The following RBFOX1 variants were observed in gnomAD, a reference collection of about 807,000 sequenced individuals.
RBFOX1 encodes RNA binding protein fox-1 homolog 1.
In RBFOX1, 8 loss-of-function variants were observed where a neutral mutation model predicts 57.7. The observed-to-expected ratio is 0.14, with a 90% CI of 0.08 to 0.25. The LOEUF (loss-of-function observed/expected upper bound fraction) is 0.25. RBFOX1 is among the 10% of genes least tolerant of loss of function. The pLI is 1.00. For synonymous variants in RBFOX1, 326 were observed against 222.4 expected (o/e 1.47, Z -4.15); for missense variants, 611 against 548.5 (o/e 1.11, Z -1.14).
At chr16:7,510,860 G>A (rs369049368) in intron 4 of RBFOX1, among the ~76,000 whole-genome samples, 1 of 152,120 alleles carries the variant, frequency 6.6e-6, no homozygotes, top group Non-Finnish European at 1.5e-5. Flanking sequence ...GGGCTGTGTG[G>A]GCATATGTGA....
intron 2 of RBFOX1, among the ~76,000 whole-genome samples, chr16:6,348,159 C>T (rs1380633542): frequency 1.3e-5 from 2 of 152,098 alleles, no homozygotes; most frequent in Non-Finnish European, 2.9e-5. Context: ...GTTTTGAGCA[C>T]TGTAGGAGAG....
intron 4 of RBFOX1, among the ~76,000 whole-genome samples, chr16:7,266,255 G>T (rs539264164): frequency 1.3e-5 from 2 of 152,144 alleles, no homozygotes; most frequent in Admixed American, 1.3e-4. Flanking sequence ...GATTACAGGT[G>T]TGAGCCACCG....
intron 4 of RBFOX1, among the ~76,000 whole-genome samples, chr16:7,416,959 C>G (rs909076640): frequency 1.2e-4 from 18 of 152,154 alleles, no homozygotes; most frequent in African/African-American, 4.3e-4. Flanking sequence ...TGTCCAAGAA[C>G]TCATAGCTGG....
chr16:7,254,645 C>G (rs760418223), intron 4 of RBFOX1, among the ~76,000 whole-genome samples: 2 of 152,040 alleles, frequency 1.3e-5, no homozygotes, highest in Non-Finnish European at 2.9e-5. Flanking sequence ...CTTTTCAATC[C>G]TGTCTTCTGA....
chr16:6,989,616 A>G, intron 3 of RBFOX1, among the ~76,000 whole-genome samples: 1 of 152,202 alleles, frequency 6.6e-6, no homozygotes, highest in East Asian at 1.9e-4. Flanking sequence ...GTGGGACAGA[A>G]GTTATCTCTG....
At chr16:5,618,830 T>G (rs1186744453) in intron 3 of RBFOX1, among the ~76,000 whole-genome samples, 1 of 152,172 alleles carries the variant, frequency 6.6e-6, no homozygotes, top group Non-Finnish European at 1.5e-5. Context: ...ACCTTCAATG[T>G]GGATTTTGCT....
chr16:7,316,239 A>T (rs1231622673), intron 4 of RBFOX1, among the ~76,000 whole-genome samples: 1 of 152,246 alleles, frequency 6.6e-6, no homozygotes, highest in East Asian at 1.9e-4. Context: ...TTACTATATT[A>T]CATAAGACAA....
chr16:6,806,425 C>G (rs1450992609), intron 3 of RBFOX1, among the ~76,000 whole-genome samples: 2 of 152,042 alleles, frequency 1.3e-5, no homozygotes, highest in African/African-American at 2.4e-5. Context: ...GCATCTTTTT[C>G]AAATTCATAT....
chr16:7,707,670 G>A (rs1405393953), intron 14 of RBFOX1, among the ~76,000 whole-genome samples: 1 of 152,104 alleles, frequency 6.6e-6, no homozygotes, highest in Non-Finnish European at 1.5e-5. Context: ...ACTCAATGGT[G>A]CATCACTCAC....
chr16:6,654,241 A>G lies in RBFOX1; in HGVS notation c.-63-362A>G, dbSNP rs1355179334. On this transcript the variant is annotated intron_variant, in intron 2 of 15. Transcript: ENST00000550418. ...AAGTGAGACATATCTGACTATCCTAAATTTTGAATGGGAGAGATATTAAAG... is the reference window on the plus strand; with the variant it reads ...AAGTGAGACATATCTGACTATCCTAGATTTTGAATGGGAGAGATATTAAAG... 2.0e-5 allele frequency among the ~76,000 whole-genome samples: 3 copies of G among 152,162 alleles called. No individual in the cohort carries two copies. The East Asian group carries it at 5.8e-4, about 29-fold the overall frequency.
chr16:7,696,970 A>C (rs2079757), intron 14 of RBFOX1, among the ~76,000 whole-genome samples: 8 of 152,194 alleles, frequency 5.3e-5, no homozygotes, highest in Admixed American at 5.2e-4. Flanking sequence ...AGGTGAGTTT[A>C]ATAGATAACA....
chr16:6,442,565 AG>A (rs1260790663), intron 2 of RBFOX1, among the ~76,000 whole-genome samples: 4 of 131,624 alleles, frequency 3.0e-5, no homozygotes, highest in African/African-American at 1.0e-4. Flanking sequence ...TAAAAAAAAA[AG>A]AAAAGAAAAA....
Position 5,977,748 on chromosome 16 carries a change from A to G in RBFOX1, c.351+110413A>G, listed in dbSNP as rs1168277279. Among the ~76,000 whole-genome samples, 3 of 152,088 alleles carry G rather than the reference A, an allele frequency of 2.0e-5. No individual in the cohort carries two copies. In the South Asian group the frequency reaches 6.2e-4, roughly 32 times the overall value. ...CCAATCCAAAGATACAGAAGGTCAG[A>G]TGTGGGGCAGGCAACTAGCCCACTG... On this transcript the variant is annotated intron_variant, in intron 4 of 19. Transcript: ENST00000641259.
chr16:5,644,110 T>C (rs1306433884), intron 3 of RBFOX1, among the ~76,000 whole-genome samples: 2 of 152,116 alleles, frequency 1.3e-5, no homozygotes, highest in Admixed American at 6.5e-5. Context: ...TTAACCAAAT[T>C]AGCAATTCAT....
At chr16:5,379,863 C>T (rs907232658) in intron 1 of RBFOX1, among the ~76,000 whole-genome samples, 2 of 152,182 alleles carry the variant, frequency 1.3e-5, no homozygotes, top group African/African-American at 2.4e-5. Flanking sequence ...AACATCTCTT[C>T]TGGGTCATTT....
intron 1 of RBFOX1, among the ~76,000 whole-genome samples, chr16:6,201,924 T>G (rs1290567374): frequency 6.6e-6 from 1 of 152,178 alleles, no homozygotes; most frequent in Admixed American, 6.5e-5. Flanking sequence ...ACTTAGAGCA[T>G]GAGATGGGGC....
chr16:6,255,992 G>A (rs537066489), intron 1 of RBFOX1, among the ~76,000 whole-genome samples: 11 of 150,854 alleles, frequency 7.3e-5, no homozygotes, highest in South Asian at 4.2e-4. Flanking sequence ...AACCACCATG[G>A]CACATGTATA....
intron 5 of RBFOX1, among the ~76,000 whole-genome samples, chr16:7,560,218 C>T (rs1355278341): frequency 6.6e-6 from 1 of 152,218 alleles, no homozygotes; most frequent in East Asian, 1.9e-4. Flanking sequence ...AAATCTGCAC[C>T]TTGCTAAAGG....
chr16:7,022,215 C>G (rs2039515114), intron 3 of RBFOX1, among the ~76,000 whole-genome samples: 1 of 150,580 alleles, frequency 6.6e-6, no homozygotes. Context: ...AGACACACCC[C>G]TAATTTTTGT....
Sources: allele counts gnomAD v4.1 joint callset (sites outside exome capture counted in the v4.1 genomes callset), GRCh38; gene constraint gnomAD v4.1.1; transcripts MANE v1.5; gene names NCBI Gene and HGNC (gene_info 2026-07-23, HGNC 2026-07-21).